Variants in LRMDA observed in about 807,000 individuals in gnomAD.
LRMDA encodes the protein leucine rich melanocyte differentiation associated.
A neutral mutation model predicts 29.8 loss-of-function variants in LRMDA; 18 were observed. The observed-to-expected ratio is 0.60, with a 90% CI of 0.42 to 0.90. The LOEUF (loss-of-function observed/expected upper bound fraction) is 0.90, where lower values mean the gene tolerates loss of function less well. Ranked by LOEUF, LRMDA falls within the 40% of genes least tolerant of loss-of-function variation. LRMDA has a pLI of 0.00. For missense variants in LRMDA, 273 were observed against 273.9 expected (o/e 1.00, Z 0.02); for synonymous variants, 125 against 109.4 (o/e 1.14, Z -0.89).
At chr10:76,404,934 T>C (rs895560542) in intron 6 of LRMDA, among the ~76,000 whole-genome samples, 3 of 152,050 alleles carry the variant, frequency 2.0e-5, no homozygotes, top group Admixed American at 6.6e-5. Context: ...AAGTTGAAGA[T>C]GAAGGAAGGG....
intron 2 of LRMDA, among the ~76,000 whole-genome samples, chr10:75,758,195 G>T (rs377709784): frequency 6.6e-6 from 1 of 152,348 alleles, no homozygotes; most frequent in African/African-American, 2.4e-5. Flanking sequence ...AGGGTGTGAG[G>T]GGGGTGACGG....
intron 5 of LRMDA, among the ~76,000 whole-genome samples, chr10:76,278,265 T>C (rs529156895): frequency 7.2e-5 from 11 of 152,306 alleles, no homozygotes; most frequent in African/African-American, 2.6e-4. Context: ...AGTAGATAGC[T>C]TTTCTCAAAT....
intron 2 of LRMDA, among the ~76,000 whole-genome samples, chr10:76,034,185 A>T (rs1284048419): frequency 2.7e-5 from 4 of 150,630 alleles, no homozygotes; most frequent in African/African-American, 9.8e-5. Flanking sequence ...GGGTTTTTAA[A>T]TTTTTTTTTT....
At chr10:75,724,452 C>G (rs1048613576) in intron 2 of LRMDA, among the ~76,000 whole-genome samples, 4 of 152,146 alleles carry the variant, frequency 2.6e-5, no homozygotes, top group African/African-American at 9.7e-5. Context: ...GCCATTTACT[C>G]TCTTAGTTTC....
At chr10:76,553,800 C>G (rs1419083067) in intron 6 of LRMDA, among the ~76,000 whole-genome samples, 1 of 152,092 alleles carries the variant, frequency 6.6e-6, no homozygotes, top group African/African-American at 2.4e-5. Flanking sequence ...TTGAGTTTGA[C>G]AATTTCAGCC....
rs115525449 is a variant in LRMDA, at chr10:75,655,656, C to T, written c.131+217162C>T. ...AACCTGAGGTCTGGGCAGGACCAGG[C>T]TCTGTGGAGAGAGGCAGTATGCTAG... is the stretch of plus-strand genomic sequence containing the variant. On this transcript the variant is annotated intron_variant, in intron 2 of 6. Transcript: ENST00000611255. Among the ~76,000 whole-genome samples, 954 of 152,294 alleles carry T rather than the reference C, an allele frequency of 6.3e-3. 12 individuals are homozygous for T. Among genetic ancestry groups the T allele is most frequent in the African/African-American group, 0.022 (918 of 41,562 alleles).
At chr10:75,454,458 C>T (rs930857533) in intron 2 of LRMDA, among the ~76,000 whole-genome samples, 5 of 152,138 alleles carry the variant, frequency 3.3e-5, no homozygotes, top group Non-Finnish European at 7.4e-5. Flanking sequence ...GCCAAAGCAC[C>T]ATACTCTGGG....
At chr10:75,907,997 A>G (rs1845784732) in intron 2 of LRMDA, among the ~76,000 whole-genome samples, 1 of 152,190 alleles carries the variant, frequency 6.6e-6, no homozygotes, top group Non-Finnish European at 1.5e-5. Flanking sequence ...CCTGTCATCC[A>G]TGGTGGTGAT....
intron 2 of LRMDA, among the ~76,000 whole-genome samples, chr10:75,649,948 G>T (rs886655584): frequency 3.9e-5 from 6 of 152,116 alleles, no homozygotes; most frequent in Non-Finnish European, 7.4e-5. Context: ...CAAGTCCTTT[G>T]CCCATTTTTG....
chr10:75,742,842 A>G (rs1206403559), intron 2 of LRMDA: 1 of 152,252 alleles, frequency 6.6e-6, no homozygotes, highest in Admixed American at 6.5e-5. Flanking sequence ...TTGGGATTGT[A>G]TGGAAATGTT....
In LRMDA at chr10:75,903,857, C is replaced by T. The variant is rs1056040558; in HGVS notation, c.132-132151C>T. Reference sequence around the variant, plus strand: ...TAGGTTGGGAGTCCCTGCTTAGCCCCTAACTAGTTCTGTCTCTTCAGGGAT... The same window carrying T: ...TAGGTTGGGAGTCCCTGCTTAGCCCTTAACTAGTTCTGTCTCTTCAGGGAT... On this transcript the variant is annotated intron_variant, in intron 2 of 6. Coordinates refer to ENST00000611255, the MANE Select transcript of LRMDA (RefSeq NM_001305581.2). Among the ~76,000 whole-genome samples, 11 of 152,342 alleles carry T rather than the reference C, an allele frequency of 7.2e-5. No individual in the cohort carries two copies. In the East Asian group the frequency reaches 1.3e-3, roughly 19 times the overall value.
chr10:75,765,569 G>T (rs1233743992), intron 2 of LRMDA, among the ~76,000 whole-genome samples: 1 of 151,692 alleles, frequency 6.6e-6, no homozygotes, highest in Non-Finnish European at 1.5e-5. Flanking sequence ...TTTTTCTAAG[G>T]CCTCTGTGGT....
At chr10:75,834,151 C>G (rs1288304315) in intron 2 of LRMDA, among the ~76,000 whole-genome samples, 1 of 152,160 alleles carries the variant, frequency 6.6e-6, no homozygotes, top group African/African-American at 2.4e-5. Context: ...TCTAAGCTGA[C>G]AGTATTTCTG....
At chr10:75,967,637 G>A (rs1029506802) in intron 2 of LRMDA, among the ~76,000 whole-genome samples, 2 of 152,164 alleles carry the variant, frequency 1.3e-5, no homozygotes, top group African/African-American at 4.8e-5. Context: ...GTGATGAATC[G>A]GGGATGATTG....
At chr10:75,704,538 TGGTGACCTTTGTTGGCCG>T (rs1343590276) in intron 2 of LRMDA, among the ~76,000 whole-genome samples, 1 of 152,222 alleles carries the variant, frequency 6.6e-6, no homozygotes, top group East Asian at 1.9e-4. Context: ...AAAAAGTTCC[TGGTGACCTTTGTTGGCCG>T]TGAGGTGACC....
At chr10:75,841,311 A>G (rs751641101) in intron 2 of LRMDA, among the ~76,000 whole-genome samples, 1 of 152,152 alleles carries the variant, frequency 6.6e-6, no homozygotes, top group Non-Finnish European at 1.5e-5. Flanking sequence ...TGGATCTCCT[A>G]TGGTTTATTA....
chr10:76,401,812 C>T (rs1049214989), intron 6 of LRMDA, among the ~76,000 whole-genome samples: 2 of 152,130 alleles, frequency 1.3e-5, no homozygotes, highest in Non-Finnish European at 2.9e-5. Flanking sequence ...TACAGACAAA[C>T]AGGAAAAGCT....
chr10:76,316,445 C>A (rs1466098534), intron 5 of LRMDA, among the ~76,000 whole-genome samples: 1 of 152,212 alleles, frequency 6.6e-6, no homozygotes, highest in Non-Finnish European at 1.5e-5. Context: ...ATGCCTGGCT[C>A]ACCCTTGACA....
intron 6 of LRMDA, among the ~76,000 whole-genome samples, chr10:76,506,515 T>C (rs1842960557): frequency 6.6e-6 from 1 of 152,054 alleles, no homozygotes; most frequent in African/African-American, 2.4e-5. Flanking sequence ...TTCATACATT[T>C]TTTCACCAAA....
Sources: gnomAD v4.1 joint callset for allele counts (sites outside exome capture counted in the v4.1 genomes callset) on GRCh38, gnomAD v4.1.1 for gene constraint, MANE v1.5 for transcripts, NCBI Gene and HGNC (gene_info 2026-07-23, HGNC 2026-07-21) for gene names.